SHANK2: variants seen among roughly 807,000 people sequenced by gnomAD.
SHANK2 encodes the protein SH3 and multiple ankyrin repeat domains 2, also known as SH3 and multiple ankyrin repeat domains protein 2.
SHANK2 carries 43 observed loss-of-function variants against 133.7 expected under a neutral mutation model. The ratio of observed to expected loss-of-function variants is 0.32; its 90% CI spans 0.25 to 0.41. SHANK2 has a LOEUF of 0.41. SHANK2 is among the 10% of genes least tolerant of loss of function. The pLI is 1.00. For missense variants in SHANK2, 1,994 were observed against 2,235.8 expected (o/e 0.89, Z 2.18); for synonymous variants, 1,017 against 952.8 (o/e 1.07, Z -1.24).
intron 25 of SHANK2, among the ~76,000 whole-genome samples, chr11:70,475,792 G>T (rs2058655279): frequency 6.6e-6 from 1 of 152,186 alleles, no homozygotes; most frequent in Non-Finnish European, 1.5e-5. Flanking sequence ...TACAAACCAG[G>T]CATCCCCATC....
chr11:70,797,023 C>T (rs1390796220), intron 14 of SHANK2, among the ~76,000 whole-genome samples: 4 of 152,164 alleles, frequency 2.6e-5, no homozygotes, highest in African/African-American at 9.7e-5. Context: ...ATGAATATTC[C>T]TCCCCTTGAT....
chr11:70,685,278 C>T (rs1892870), intron 15 of SHANK2, among the ~76,000 whole-genome samples: 8 of 152,288 alleles, frequency 5.3e-5, no homozygotes, highest in Admixed American at 1.3e-4. Context: ...CTCCTCCTGC[C>T]GCCCAGAAAA....
At chr11:71,088,198 G>GC (rs1254607314) in intron 8 of SHANK2, among the ~76,000 whole-genome samples, 4 of 152,292 alleles carry the variant, frequency 2.6e-5, no homozygotes, top group Admixed American at 2.6e-4. Context: ...CCCCGCAGCG[G>GC]CATCAACTCT....
Position 70,487,750 on chromosome 11 carries a change from G to T in SHANK2, c.2573-30C>A. ...AAGCAGAAAACAGGTTTAGCTTTAA[G>T]TCACAATAGCAACAAAGCCTAAGTT... On this transcript the variant is annotated intron_variant, in intron 24 of 25. Transcript: ENST00000601538. This position sits in a 1 kb window ranked among gnomAD's most constrained non-coding sequence, Gnocchi z 5.8. 1 of 1,550,816 alleles carries T rather than the reference G, an allele frequency of 6.4e-7. No homozygotes were observed. The highest frequency in any genetic ancestry group is 8.7e-7 in the Non-Finnish European group (1 of 1,147,138).
At chr11:71,185,407 A>AATC (rs1166110549) in intron 2 of SHANK2, among the ~76,000 whole-genome samples, 7 of 152,234 alleles carry the variant, frequency 4.6e-5, no homozygotes, top group Non-Finnish European at 1.0e-4. Flanking sequence ...TCCAGGAAGG[A>AATC]ATCATCTCCT....
chr11:71,136,766 T>G (rs1952447410), intron 3 of SHANK2, among the ~76,000 whole-genome samples: 1 of 152,102 alleles, frequency 6.6e-6, no homozygotes, highest in African/African-American at 2.4e-5. Context: ...GGGGTGGGGA[T>G]CCACTGCAAC....
intron 11 of SHANK2, among the ~76,000 whole-genome samples, chr11:70,866,294 C>T (rs76657434): frequency 0.02 from 3,098 of 152,132 alleles, 57 homozygotes; most frequent in East Asian, 0.12. Context: ...CATCGCACCC[C>T]GCGGCACCAA....
At chr11:71,242,090 A>G (rs1555124477) in intron 1 of SHANK2, among the ~76,000 whole-genome samples, 7 of 152,194 alleles carry the variant, frequency 4.6e-5, no homozygotes, top group Admixed American at 3.9e-4. Context: ...ACGCTACAAC[A>G]TGGATGAGGC....
At chr11:70,502,362 C>A (rs879955365) in intron 18 of SHANK2, 76 bp from the exon 19 acceptor site, 2 of 1,396,164 alleles carry the variant, frequency 1.4e-6, no homozygotes, top group Admixed American at 2.0e-5. Flanking sequence ...AGCAGTGGCC[C>A]TGTGGCTGGC....
chr11:70,931,159 G>A (rs1476493595), intron 10 of SHANK2, among the ~76,000 whole-genome samples: 1 of 152,170 alleles, frequency 6.6e-6, no homozygotes, highest in African/African-American at 2.4e-5. Context: ...GACATGTCCA[G>A]AATAGGCAAA....
chr11:70,888,836 A>AG (rs1949790320), intron 11 of SHANK2, among the ~76,000 whole-genome samples: 1 of 101,076 alleles, frequency 9.9e-6, no homozygotes, highest in East Asian at 2.4e-4. Flanking sequence ...GAAAAAAAAA[A>AG]GAGAGAAAGA....
chr11:70,601,647 C>T (rs532715460), intron 17 of SHANK2, among the ~76,000 whole-genome samples: 7 of 152,176 alleles, frequency 4.6e-5, no homozygotes, highest in Admixed American at 3.9e-4. Flanking sequence ...CCACCGCGCC[C>T]GGCCAGTAAA....
At chr11:70,554,749 C>T (rs375208912) in intron 17 of SHANK2, among the ~76,000 whole-genome samples, 46 of 152,136 alleles carry the variant, frequency 3.0e-4, no homozygotes, top group African/African-American at 1.1e-3. Context: ...TACAGAAGAG[C>T]GCCACTGCCC....
At chr11:70,497,845 G>C (rs547129542) in intron 21 of SHANK2, among the ~76,000 whole-genome samples, 2 of 152,376 alleles carry the variant, frequency 1.3e-5, no homozygotes, top group South Asian at 4.1e-4. Context: ...CCTGGTGGCT[G>C]AGTCTCCTGG....
At chr11:70,907,797 T>C in intron 10 of SHANK2, 1 of 407,702 alleles carries the variant, frequency 2.5e-6, no homozygotes, top group Non-Finnish European at 5.0e-6. Context: ...CAACATAGAT[T>C]CATGATAAAA....
chr11:70,894,379 G>C lies in SHANK2; in HGVS notation c.1174+2122C>G, dbSNP rs942071100. ...ATTTTTGTATTTTTAGTAGAGACAG[G>C]GTTTCCTATGTTGGCCAGGCTGGTT... On this transcript the variant is annotated intron_variant, in intron 11 of 25. Transcript: ENST00000601538. Among the ~76,000 whole-genome samples, 3 of 152,092 alleles carry C rather than the reference G, an allele frequency of 2.0e-5. No homozygotes were observed. The South Asian group carries it at 6.2e-4, about 32-fold the overall frequency.
At chr11:70,684,696 C>T (rs1053938954) in intron 15 of SHANK2, among the ~76,000 whole-genome samples, 2 of 151,888 alleles carry the variant, frequency 1.3e-5, no homozygotes, top group African/African-American at 2.4e-5. Context: ...AACCCTTGGC[C>T]CCTGTCCGTC....
intron 17 of SHANK2, among the ~76,000 whole-genome samples, chr11:70,525,829 C>T (rs1404863289): frequency 2.6e-5 from 4 of 151,914 alleles, no homozygotes; most frequent in South Asian, 2.1e-4. Flanking sequence ...GAGGTGATGG[C>T]GGGAAAGTCC....
intron 2 of SHANK2, among the ~76,000 whole-genome samples, chr11:71,202,858 G>A (rs1359909865): frequency 6.6e-6 from 1 of 152,216 alleles, no homozygotes; most frequent in African/African-American, 2.4e-5. Context: ...CAATGAGCAC[G>A]GCACTGACCC....
Sources: allele counts gnomAD v4.1 joint callset (sites outside exome capture counted in the v4.1 genomes callset), GRCh38; gene constraint gnomAD v4.1.1; non-coding constraint Gnocchi (gnomAD v3.1); transcripts MANE v1.5; gene names NCBI Gene and HGNC (gene_info 2026-07-23, HGNC 2026-07-21).